The following USP54 variants were observed in gnomAD, a reference collection of about 807,000 sequenced individuals.
The protein encoded by USP54 is ubiquitin carboxyl-terminal hydrolase 54.
USP54 carries 87 observed loss-of-function variants against 170.5 expected under a neutral mutation model. The observed-to-expected ratio is 0.51, with a 90% CI of 0.43 to 0.61. USP54 has a LOEUF of 0.61. Among genes scored for constraint, USP54 ranks in the 20% least tolerant of loss-of-function variants. USP54 has a pLI of 0.00. For synonymous variants in USP54, 655 were observed against 742.8 expected (o/e 0.88, Z 1.92); for missense variants, 1,786 against 2,047.8 (o/e 0.87, Z 2.47).
chr10:73,572,159 G>A (rs938799219), intron 3 of USP54, among the ~76,000 whole-genome samples: 1 of 152,058 alleles, frequency 6.6e-6, no homozygotes, highest in African/African-American at 2.4e-5. Flanking sequence ...AAAAGCATTA[G>A]ACAAATTCCA....
chr10:73,498,671 T>G lies in USP54; in HGVS notation c.5013A>C (p.Arg1671Ser). The part of the protein sequence containing the change: ...FLFVLSDAPR[R>S]EQIRARVLQH... Reference sequence around the variant, plus strand: ...GCAGGACTCTAGCCCTGATCTGCTCTCTTCTGGGAGCATCTGATAGAACAA... The same window carrying G: ...GCAGGACTCTAGCCCTGATCTGCTCGCTTCTGGGAGCATCTGATAGAACAA... The change falls in exon 24 of 24, where the codon AGA becomes AGC. Residue 1671 changes from arginine (R) to serine (S), a missense_variant. Physicochemically the swap from Arg to Ser is moderately radical, Grantham distance 110 (BLOSUM62 -1). Coordinates refer to ENST00000687698, the MANE Select transcript of USP54 (RefSeq NM_001391956.1). The G allele has an allele frequency of 6.3e-7, 1 of 1,583,994 alleles. No individual in the cohort carries two copies.
At chr10:73,524,891 A>G (rs1162236651) in intron 16 of USP54, among the ~76,000 whole-genome samples, 1 of 152,208 alleles carries the variant, frequency 6.6e-6, no homozygotes, top group Non-Finnish European at 1.5e-5. Flanking sequence ...ATTAGAGAAC[A>G]CTTTCTACCA....
intron 1 of USP54, chr10:73,624,296 C>T (rs1383010234): frequency 4.8e-5 from 7 of 145,770 alleles, no homozygotes; most frequent in African/African-American, 7.6e-5. Flanking sequence ...CTCCGGGGTT[C>T]AAGCGATTCT....
chr10:73,508,102 T>C (rs1322755656), intron 20 of USP54, among the ~76,000 whole-genome samples: 1 of 151,678 alleles, frequency 6.6e-6, no homozygotes, highest in Non-Finnish European at 1.5e-5. Context: ...CTGAAGGGAG[T>C]AGAATCTGAT....
At chr10:73,582,602 GC>G (rs2077025546) in intron 1 of USP54, among the ~76,000 whole-genome samples, 1 of 152,158 alleles carries the variant, frequency 6.6e-6, no homozygotes, top group Non-Finnish European at 1.5e-5. Flanking sequence ...TGTTGGCCAG[GC>G]TGGTCTTGAA....
Position 73,571,517 on chromosome 10 carries a change from A to C in USP54, c.148-4T>G, listed in dbSNP as rs2075196483. The C allele has an allele frequency of 6.2e-7, 1 of 1,611,388 alleles. No homozygotes were observed. Among genetic ancestry groups the C allele is most frequent in the African/African-American group, 1.3e-5 (1 of 74,878 alleles). Reference sequence around the variant, plus strand: ...AGATATCCAAGTGCCACAAAACCTGATGAGAAAAGGAAAATATTTCATTAC... The same window carrying C: ...AGATATCCAAGTGCCACAAAACCTGCTGAGAAAAGGAAAATATTTCATTAC... On this transcript the variant is annotated splice_region_variant and splice_polypyrimidine_tract_variant and intron_variant, in intron 3 of 23. Transcript: ENST00000687698.
chr10:73,594,043 G>A (rs762193184), upstream of USP54, among the ~76,000 whole-genome samples: 20 of 151,998 alleles, frequency 1.3e-4, no homozygotes, highest in East Asian at 5.8e-4. Flanking sequence ...GAGTGGCTCC[G>A]CAGTAGGAAC....
At chr10:73,600,346 G>A (rs2079071465) in intron 1 of USP54, among the ~76,000 whole-genome samples, 2 of 152,090 alleles carry the variant, frequency 1.3e-5, no homozygotes, top group African/African-American at 4.8e-5. Flanking sequence ...AGTGGGGGTA[G>A]CTATAAAAGG....
chr10:73,553,776 A>T (rs2070236226), intron 4 of USP54, among the ~76,000 whole-genome samples: 1 of 152,204 alleles, frequency 6.6e-6, no homozygotes, highest in Non-Finnish European at 1.5e-5. Context: ...GCTCTTCTTC[A>T]CAGGGTGAAA....
rs773921117 is a variant in USP54 at position 73,530,220 on chromosome 10, T to A, written c.1751A>T (p.Asn584Ile). ...GTCCTTACTAAAGATACTGTCAATA[T>A]TCAGAGATTCTCGTTTGGGTCTCCA... Reference protein sequence around the residue: ...PTWRPKRESLNIDSIFSKDKR... With the variant: ...PTWRPKRESLIIDSIFSKDKR... The change falls in exon 14 of 24, where the codon AAT becomes ATT. Residue 584 changes from asparagine to isoleucine, a missense_variant. This residue lies in a region of USP54 where 1,418 missense variants were observed against 1,569.0 expected (regional missense o/e 0.90). Transcript: ENST00000687698. 6.2e-7 allele frequency: 1 copy of A among 1,614,168 alleles called. No homozygotes were observed. Among genetic ancestry groups the A allele is most frequent in the South Asian group, 1.1e-5 (1 of 91,084 alleles).
At chr10:73,548,947 G>A (rs564771236) in intron 4 of USP54, among the ~76,000 whole-genome samples, 14 of 152,242 alleles carry the variant, frequency 9.2e-5, no homozygotes, top group Non-Finnish European at 1.9e-4. Context: ...AACAAGACCA[G>A]AAATAAGACC....
rs2063791314 is a variant in USP54 at position 73,530,684 on chromosome 10, AGC to A, written c.1447+18_1447+19del. 1 of 1,612,630 alleles carries A rather than the reference AGC, an allele frequency of 6.2e-7. No homozygotes were observed. Among genetic ancestry groups the A allele is most frequent in the Non-Finnish European group, 8.5e-7 (1 of 1,179,602 alleles). On this transcript the variant is annotated intron_variant, in intron 13 of 23. Coordinates refer to ENST00000687698, the MANE Select transcript of USP54 (RefSeq NM_001391956.1). ...ATAGAGTGAATGAAGGAGAAAGAGA[AGC>A]AGTGCAGAAGGGCTTGCCTTCACTG...
In USP54 at chr10:73,534,272, T is replaced by C. The variant is rs543307675; in HGVS notation, c.1315+328A>G. On this transcript the variant is annotated intron_variant, in intron 12 of 23. Coordinates refer to ENST00000687698, the MANE Select transcript of USP54 (RefSeq NM_001391956.1). ...CCCAGGCTGGAGTGCAGTGGCACGA[T>C]CCCAGCTCACTGAAAGCTTCGCCTC... is the stretch of plus-strand genomic sequence containing the variant. Among the ~76,000 whole-genome samples, 3 of 152,104 alleles carry C rather than the reference T, an allele frequency of 2.0e-5. No homozygotes were observed. In the East Asian group the frequency reaches 5.8e-4, roughly 29 times the overall value.
rs757180945 is a variant in USP54 at position 73,520,022 on chromosome 10, CA to C, written c.2483-31del. 71 of 1,555,706 alleles carry C rather than the reference CA, an allele frequency of 4.6e-5. 1 individual carries two copies. The African/African-American group carries it at 9.0e-4, about 20-fold the overall frequency. On this transcript the variant is annotated intron_variant, in intron 18 of 23. Transcript: ENST00000687698. ...AATGCAAAAGAAAATATAGCAGAAA[CA>C]GAACACAAAACACAAATAAAAATAA...
chr10:73,498,988 G>C lies in USP54; in HGVS notation c.4696C>G (p.Leu1566Val). 1 of 1,614,170 alleles carries C rather than the reference G, an allele frequency of 6.2e-7. No individual in the cohort carries two copies. The highest frequency in any genetic ancestry group is 8.5e-7 in the Non-Finnish European group (1 of 1,180,032). ...FLTTPGCNPQ[L>V]TYTATLPERS... ...TCTGGTAGTGTGGCAGTGTAGGTTAGTTGAGGATTGCACCCTGGAGTAGTC... is the reference window on the plus strand; with the variant it reads ...TCTGGTAGTGTGGCAGTGTAGGTTACTTGAGGATTGCACCCTGGAGTAGTC... Residue 1566 changes from leucine to valine, a missense_variant, in exon 24 of 24, where the codon CTA (leucine) becomes GTA (valine). Leu to Val is a conservative substitution (Grantham distance 32, BLOSUM62 1). This residue lies in a region of USP54 where 1,418 missense variants were observed against 1,569.0 expected (regional missense o/e 0.90). Transcript: ENST00000687698.
chr10:73,605,856 A>C (rs961914469), intron 1 of USP54, among the ~76,000 whole-genome samples: 5 of 151,968 alleles, frequency 3.3e-5, no homozygotes, highest in African/African-American at 1.2e-4. Context: ...GGGGGTGTTT[A>C]ATGGATTTGG....
intron 2 of USP54, 33 bp downstream of exon 2, chr10:73,575,765 T>A (rs2076037554): frequency 7.3e-7 from 1 of 1,377,320 alleles, no homozygotes; most frequent in Non-Finnish European, 9.7e-7. Context: ...CAGAATTTAG[T>A]GAATTTATTT....
chr10:73,542,697 C>G lies in USP54; in HGVS notation c.572+106G>C, dbSNP rs1300291911. The G allele has an allele frequency of 2.6e-6, 3 of 1,173,974 alleles. No individual in the cohort carries two copies. In the East Asian group the frequency reaches 7.4e-5, roughly 29 times the overall value. 72.7% of individuals were successfully genotyped at this position (1,173,974 alleles called of 1,614,324 possible). ...AGTAAGCCGAGATTGTGCCACTGCACTGCAGCCTGGGCAACAGAGCGAGAC... is the reference window on the plus strand; with the variant it reads ...AGTAAGCCGAGATTGTGCCACTGCAGTGCAGCCTGGGCAACAGAGCGAGAC... On this transcript the variant is annotated intron_variant, in intron 7 of 23. Coordinates refer to ENST00000687698, the MANE Select transcript of USP54 (RefSeq NM_001391956.1).
intron 20 of USP54, among the ~76,000 whole-genome samples, chr10:73,510,660 G>T (rs1232498690): frequency 2.6e-5 from 4 of 151,868 alleles, no homozygotes; most frequent in African/African-American, 7.3e-5. Context: ...TGTTGGCCAG[G>T]CTGGTCTCAA....
Sources: gnomAD v4.1 joint callset for allele counts (sites outside exome capture counted in the v4.1 genomes callset) on GRCh38, gnomAD v4.1.1 for gene constraint, gnomAD v4.1.1 regional missense constraint, MANE v1.5 for transcripts, NCBI Gene and HGNC (gene_info 2026-07-23, HGNC 2026-07-21) for gene names.